The following MRO variants were observed in gnomAD, a reference collection of about 807,000 sequenced individuals.
MRO encodes the protein protein maestro.
In MRO, 28 loss-of-function variants were observed where a neutral mutation model predicts 31.0. The ratio of observed to expected loss-of-function variants is 0.90; its 90% confidence interval spans 0.67 to 1.24. MRO has a LOEUF of 1.24. Among genes scored for constraint, MRO ranks in the 50% most tolerant of loss-of-function variants. MRO has a pLI of 0.00. For synonymous variants in MRO, 108 were observed against 108.4 expected (o/e 1.00, Z 0.02); for missense variants, 332 against 289.2 (o/e 1.15, Z -1.07).
At chr18:50,824,128 A>G (rs1217649922), upstream of MRO, 1 of 152,278 alleles carries the variant, frequency 6.6e-6, no homozygotes, top group Non-Finnish European at 1.5e-5. Context: ...TACATTCAGT[A>G]TAAGATAAAT....
Position 50,806,396 on chromosome 18 carries a change from A to T in MRO, c.246+308T>A, listed in dbSNP as rs1311442461. On this transcript the variant is annotated intron_variant, in intron 4 of 7. Transcript: ENST00000398439. Reference sequence around the variant, plus strand: ...AACCTCTGTCCCACAATGGGAAGTAACTGAATTCTGCCAACAACGATGTAA... The same window carrying T: ...AACCTCTGTCCCACAATGGGAAGTATCTGAATTCTGCCAACAACGATGTAA... Among the ~76,000 whole-genome samples the T allele has an allele frequency of 2.0e-5, 3 of 152,222 alleles. No individual in the cohort carries two copies. In the East Asian group the frequency reaches 5.8e-4, roughly 29 times the overall value.
chr18:50,799,532 G>A (rs1913087813), intron 7 of MRO, 142 bp from the exon 8 acceptor site: 1 of 728,176 alleles, frequency 1.4e-6, no homozygotes, highest in Non-Finnish European at 2.4e-6. Flanking sequence ...CTAGTGACCT[G>A]AATTGGAACT....
chr18:50,812,848 A>C (rs888011001), intron 2 of MRO, among the ~76,000 whole-genome samples: 1 of 152,142 alleles, frequency 6.6e-6, no homozygotes, highest in Non-Finnish European at 1.5e-5. Flanking sequence ...CTCCAGACTA[A>C]GTCTGCCATT....
intron 2 of MRO, among the ~76,000 whole-genome samples, chr18:50,810,157 G>A (rs532677674): frequency 2.7e-4 from 41 of 152,222 alleles, no homozygotes; most frequent in South Asian, 4.2e-4. Flanking sequence ...ACGTTGTCCA[G>A]TCTTGTCTCA....
chr18:50,801,810 A>G (rs781279410), intron 5 of MRO, among the ~76,000 whole-genome samples: 3 of 152,170 alleles, frequency 2.0e-5, no homozygotes, highest in Non-Finnish European at 2.9e-5. Context: ...TTTGTTCGTT[A>G]TTTCATGTTT....
At chr18:50,809,513 T>A in intron 2 of MRO, 109 bp from the exon 3 acceptor site, 3 of 680,416 alleles carry the variant, frequency 4.4e-6, no homozygotes, top group South Asian at 4.1e-5. Context: ...GCAGCAATCC[T>A]GAGGCCTGTC....
chr18:50,814,751 G>A (rs541335123), intron 2 of MRO: 5 of 155,494 alleles, frequency 3.2e-5, no homozygotes, highest in Non-Finnish European at 5.7e-5. Context: ...TGAAAAGAGT[G>A]ACAAGATTGA....
chr18:50,813,150 G>GGGTGGATTTGGTCCATGAAACCCCA, intron 2 of MRO, among the ~76,000 whole-genome samples: 1 of 152,122 alleles, frequency 6.6e-6, no homozygotes, highest in Non-Finnish European at 1.5e-5. Flanking sequence ...CTTGCTCCCT[G>GGGTGGATTTGGTCCATGAAACCCCA]GGTGGATTTG....
intron 2 of MRO, among the ~76,000 whole-genome samples, chr18:50,810,946 C>T (rs1228959604): frequency 4.6e-5 from 7 of 152,154 alleles, no homozygotes; most frequent in Non-Finnish European, 8.8e-5. Context: ...AGTTAAGAGC[C>T]ACTGAAGTCG....
At chr18:50,802,591 G>T (rs1913451832) in intron 5 of MRO, among the ~76,000 whole-genome samples, 1 of 152,152 alleles carries the variant, frequency 6.6e-6, no homozygotes, top group Admixed American at 6.6e-5. Flanking sequence ...CAGCGGGGAA[G>T]AAGCACAAAG....
chr18:50,809,506 G>A (rs760354139), intron 2 of MRO, 102 bp from the exon 3 acceptor site: 1 of 714,902 alleles, frequency 1.4e-6, no homozygotes, highest in Non-Finnish European at 2.3e-6. Context: ...TAAAGAGGCA[G>A]CAATCCTGAG....
chr18:50,810,760 C>T (rs1028999736), intron 2 of MRO, among the ~76,000 whole-genome samples: 6 of 152,282 alleles, frequency 3.9e-5, no homozygotes, highest in Admixed American at 6.5e-5. Flanking sequence ...GTGTCTGCAG[C>T]GGGAACTCGA....
Position 50,799,111 on chromosome 18 carries a change from G to C in MRO, c.*226C>G. The C allele has an allele frequency of 2.0e-6, 1 of 499,276 alleles. No homozygotes were observed. The highest frequency in any genetic ancestry group is 3.6e-6 in the Non-Finnish European group (1 of 277,048). 30.9% of individuals were successfully genotyped at this position (499,276 alleles called of 1,614,324 possible). A position where few individuals can be genotyped will look rare whatever the true frequency, so the allele number is the denominator to read the frequency against. The stretch of plus-strand genomic sequence containing the variant: ...AAGTGTGTACCTGCTCATCAAATTT[G>C]TATGGGGAGGAAATGAAATAAGTGA... On this transcript the variant is annotated 3_prime_UTR_variant, in exon 8 of 8. Coordinates refer to ENST00000398439, the MANE Select transcript of MRO (RefSeq NM_031939.6).
upstream of MRO, among the ~76,000 whole-genome samples, chr18:50,822,718 A>T (rs1232812695): frequency 1.5e-5 from 1 of 67,456 alleles, no homozygotes; most frequent in Non-Finnish European, 2.7e-5. Context: ...CCCCCCAGCT[A>T]AGCTAAACTC....
rs1599038720 is a variant in MRO, at chr18:50,815,705, A to G, written c.-5+3876T>C. 5 of 447,308 alleles carry G rather than the reference A, an allele frequency of 1.1e-5. No individual in the cohort carries two copies. In the East Asian group the frequency reaches 2.5e-4, roughly 22 times the overall value. 27.7% of individuals were successfully genotyped at this position (447,308 alleles called of 1,614,324 possible). On this transcript the variant is annotated intron_variant, in intron 2 of 7. Transcript: ENST00000398439. Reference sequence around the variant, plus strand: ...GTGACCGTTATGGATCTGGTAGTGGAAATGGTGGATATGGTAACAGAAGGT... The same window carrying G: ...GTGACCGTTATGGATCTGGTAGTGGGAATGGTGGATATGGTAACAGAAGGT...
rs766595125 is a variant in MRO, at chr18:50,810,080, C to T, written c.-4-676G>A. ...TCCCAGGCTTAAGCAGTCCCCCTGC[C>T]TCAGCCTCTGAGTGGCTGGGGCCAC... On this transcript the variant is annotated intron_variant, in intron 2 of 7. Coordinates refer to ENST00000398439, the MANE Select transcript of MRO (RefSeq NM_031939.6). Among the ~76,000 whole-genome samples, 3 of 152,172 alleles carry T rather than the reference C, an allele frequency of 2.0e-5. No individual in the cohort carries two copies. In the East Asian group the frequency reaches 5.8e-4, roughly 29 times the overall value.
intron 4 of MRO, 137 bp downstream of exon 4, chr18:50,806,567 T>G (rs985849781): frequency 4.4e-5 from 46 of 1,044,778 alleles, no homozygotes; most frequent in Non-Finnish European, 5.9e-5. Context: ...TGCTGTAAGC[T>G]GCTAAGTGTG....
chr18:50,798,316 T>C lies in MRO; in HGVS notation c.*1021A>G, dbSNP rs950112236. On this transcript the variant is annotated 3_prime_UTR_variant, in exon 8 of 8. Transcript: ENST00000398439. ...GCTCACATAAATTAATAAAAATGTA[T>C]ACTTAGTACATATAAAATCAAAAGT... 2.0e-5 allele frequency: 3 copies of C among 152,218 alleles called. No homozygotes were observed. The highest frequency in any genetic ancestry group is 4.4e-5 in the Non-Finnish European group (3 of 68,050). 9.4% of individuals were successfully genotyped at this position (152,218 alleles called of 1,614,324 possible).
At chr18:50,809,521 G>C in intron 2 of MRO, 117 bp from the exon 3 acceptor site, 2 of 624,564 alleles carry the variant, frequency 3.2e-6, no homozygotes, top group South Asian at 4.4e-5. Context: ...CCTGAGGCCT[G>C]TCTTTAGGAA....
Sources: gnomAD v4.1 joint callset for allele counts (sites outside exome capture counted in the v4.1 genomes callset) on GRCh38, gnomAD v4.1.1 for gene constraint, MANE v1.5 for transcripts, NCBI Gene and HGNC (gene_info 2026-07-23, HGNC 2026-07-21) for gene names.